Variants in ZC3H6 observed in about 807,000 individuals in gnomAD.
ZC3H6 encodes the protein zinc finger CCCH-type containing 6.
Under a neutral mutation model 107.7 loss-of-function variants are expected in ZC3H6, and 40 were observed. The observed-to-expected ratio is 0.37, with a 90% CI of 0.29 to 0.48. ZC3H6 has a LOEUF of 0.48. Among genes scored for constraint, ZC3H6 ranks in the 20% least tolerant of loss-of-function variants. The pLI is 0.98. For synonymous variants in ZC3H6, 493 were observed against 487.9 expected (o/e 1.01, Z -0.14); for missense variants, 1,267 against 1,410.4 (o/e 0.90, Z 1.63).
At chr2:112,306,174 CTT>C (rs35102517) in intron 3 of ZC3H6, among the ~76,000 whole-genome samples, 10 of 136,856 alleles carry the variant, frequency 7.3e-5, no homozygotes, top group Non-Finnish European at 9.3e-5. Context: ...GTCTGTATTT[CTT>C]TTTTTTTTTT....
chr2:112,285,514 G>T (rs1480400736), intron 1 of ZC3H6, among the ~76,000 whole-genome samples: 1 of 151,800 alleles, frequency 6.6e-6, no homozygotes. Context: ...ACAACGCCAC[G>T]CCCGGCTAAT....
At chr2:112,285,067 G>A (rs558023825) in intron 1 of ZC3H6, among the ~76,000 whole-genome samples, 4 of 151,970 alleles carry the variant, frequency 2.6e-5, no homozygotes, top group East Asian at 1.9e-4. Flanking sequence ...TGTATTTTTC[G>A]TTAAAGTTTT....
intron 6 of ZC3H6, among the ~76,000 whole-genome samples, chr2:112,316,913 T>C (rs1241052867): frequency 2.6e-5 from 4 of 152,212 alleles, no homozygotes; most frequent in African/African-American, 9.7e-5. Flanking sequence ...ATTTTATTCA[T>C]GGCACCAAGA....
intron 2 of ZC3H6, among the ~76,000 whole-genome samples, chr2:112,301,069 T>C (rs1366555509): frequency 1.3e-5 from 2 of 152,158 alleles, no homozygotes; most frequent in African/African-American, 2.4e-5. Context: ...TCAGTACAAA[T>C]GAAGCAGAGG....
chr2:112,312,201 A>G (rs1222979749), intron 5 of ZC3H6: 6 of 333,126 alleles, frequency 1.8e-5, no homozygotes, highest in Non-Finnish European at 3.3e-5. Flanking sequence ...GCAAAAATAT[A>G]TCCTCTATTA....
rs1461666933 is a variant in ZC3H6 at position 112,333,746 on chromosome 2, T to C, written c.*1258T>C. On this transcript the variant is annotated 3_prime_UTR_variant, in exon 12 of 12. Coordinates refer to ENST00000409871, the MANE Select transcript of ZC3H6 (RefSeq NM_198581.3). ...TGAACTGCAGGTGTAGGACAGTGTTTGCTGGTAACAACTCCAATGTGTATT... is the reference window on the plus strand; with the variant it reads ...TGAACTGCAGGTGTAGGACAGTGTTCGCTGGTAACAACTCCAATGTGTATT... 1 of 152,136 alleles carries C rather than the reference T, an allele frequency of 6.6e-6. No individual in the cohort carries two copies. The highest frequency in any genetic ancestry group is 1.5e-5 in the Non-Finnish European group (1 of 67,980). 9.4% of individuals were successfully genotyped at this position (152,136 alleles called of 1,614,324 possible).
chr2:112,295,132 A>G (rs1436807297), intron 1 of ZC3H6, among the ~76,000 whole-genome samples: 2 of 152,148 alleles, frequency 1.3e-5, no homozygotes, highest in East Asian at 1.9e-4. Context: ...TTGTATCTGT[A>G]TAGATTTGCC....
Position 112,331,176 on chromosome 2 carries a change from A to G in ZC3H6, c.2258A>G (p.Asn753Ser). 1 of 1,613,716 alleles carries G rather than the reference A, an allele frequency of 6.2e-7. No homozygotes were observed. The highest frequency in any genetic ancestry group is 8.5e-7 in the Non-Finnish European group (1 of 1,179,794). The stretch of plus-strand genomic sequence containing the variant: ...CTTGCTAAAGAGAAAAGTAAAGGAA[A>G]CCAAGTGGTTGACCCTAGGCTTAGG... ...PRLAKEKSKG[N>S]QVVDPRLRTI... The change falls in exon 12 of 12, where the codon AAC becomes AGC. Residue 753 changes from asparagine to serine, a missense_variant. Around this residue, in one of 3 missense-constraint regions of ZC3H6, gnomAD observed 925 missense variants for 1,025.7 expected, o/e 0.90. Transcript: ENST00000409871.
chr2:112,330,034 A>C (rs763542494), intron 11 of ZC3H6, among the ~76,000 whole-genome samples: 11 of 151,554 alleles, frequency 7.3e-5, no homozygotes, highest in Non-Finnish European at 1.5e-4. Flanking sequence ...CTCATAAAGT[A>C]TGTAAGTTTT....
chr2:112,294,532 C>T (rs939251139), intron 1 of ZC3H6, among the ~76,000 whole-genome samples: 3 of 152,086 alleles, frequency 2.0e-5, no homozygotes, highest in Non-Finnish European at 4.4e-5. Context: ...TGTCATTGTA[C>T]TATCATCTAT....
Position 112,317,259 on chromosome 2 carries a change from G to T in ZC3H6, c.903G>T (p.Glu301Asp). The change falls in exon 7 of 12, where the codon GAG (glutamate) becomes GAT (aspartate). Residue 301 changes from glutamate (E) to aspartate (D), a missense_variant. Around this residue, in one of 3 missense-constraint regions of ZC3H6, gnomAD observed 337 missense variants for 361.2 expected, o/e 0.93. Coordinates refer to ENST00000409871, the MANE Select transcript of ZC3H6 (RefSeq NM_198581.3). ...AATTTGATCATGATGCAGAGTTGGA[G>T]AAAAGAAAAGAGATCTGCAAATTTT... ...QCKFDHDAEL[E>D]KRKEICKFYL... 1 of 1,577,448 alleles carries T rather than the reference G, an allele frequency of 6.3e-7. No homozygotes were observed. The highest frequency in any genetic ancestry group is 8.6e-7 in the Non-Finnish European group (1 of 1,165,600).
At chr2:112,294,193 C>T (rs1048138845) in intron 1 of ZC3H6, among the ~76,000 whole-genome samples, 2 of 151,984 alleles carry the variant, frequency 1.3e-5, no homozygotes, top group Non-Finnish European at 2.9e-5. Context: ...TATCGTTGGG[C>T]TTACGTAAGT....
intron 1 of ZC3H6, among the ~76,000 whole-genome samples, chr2:112,294,567 T>C (rs1297291303): frequency 6.6e-6 from 1 of 152,218 alleles, no homozygotes; most frequent in Non-Finnish European, 1.5e-5. Flanking sequence ...TAGTCTTTTA[T>C]AGAGGCTTTT....
In ZC3H6 at chr2:112,275,643, G is replaced by T; in HGVS notation, c.-352G>T. 2.5e-6 allele frequency: 1 copy of T among 402,448 alleles called. No individual in the cohort carries two copies. Among genetic ancestry groups the T allele is most frequent in the South Asian group, 1.0e-4 (1 of 9,660 alleles). The allele number at this position is 402,448 out of a possible 1,614,324, so 24.9% of individuals were successfully genotyped here. Reference sequence around the variant, plus strand: ...TTTCGGGTGCCGCCATGTTGGTGAGGAGAAATCACCGTTACGGCCACTGTC... The same window carrying T: ...TTTCGGGTGCCGCCATGTTGGTGAGTAGAAATCACCGTTACGGCCACTGTC... On this transcript the variant is annotated 5_prime_UTR_variant, in exon 1 of 12. Coordinates refer to ENST00000409871, the MANE Select transcript of ZC3H6 (RefSeq NM_198581.3).
intron 3 of ZC3H6, among the ~76,000 whole-genome samples, 180 bp from the exon 4 acceptor site, chr2:112,309,704 AT>A (rs1473534919): frequency 6.6e-6 from 1 of 152,200 alleles, no homozygotes; most frequent in Admixed American, 6.5e-5. Context: ...TCAGGGTAAC[AT>A]TTAGGCTTTT....
At chr2:112,309,861 T>C in intron 3 of ZC3H6, 24 bp from the exon 4 acceptor site, 1 of 1,546,730 alleles carries the variant, frequency 6.5e-7, no homozygotes, top group Non-Finnish European at 8.7e-7. Flanking sequence ...AAAATCCTGA[T>C]AATGATTGTC....
intron 1 of ZC3H6, among the ~76,000 whole-genome samples, chr2:112,293,743 A>G (rs977421492): frequency 6.6e-6 from 1 of 152,252 alleles, no homozygotes; most frequent in African/African-American, 2.4e-5. Context: ...AAAAGATCAG[A>G]ATAGGCATGG....
At position 112,291,127 on chromosome 2, in the gene ZC3H6, T is replaced by C. The variant is rs561907561; in HGVS notation, c.33-8722T>C. ...CTGACATCTAAAAATTAGTTAGGGG[T>C]TTCTGGCATACCCTGTGTAAGCTAA... On this transcript the variant is annotated intron_variant, in intron 1 of 11. Transcript: ENST00000409871. Among the ~76,000 whole-genome samples the C allele has an allele frequency of 6.6e-5, 10 of 152,368 alleles. No individual in the cohort carries two copies. The South Asian group carries it at 2.1e-3, about 32-fold the overall frequency.
chr2:112,299,511 G>T (rs1291131189), intron 1 of ZC3H6, among the ~76,000 whole-genome samples: 1 of 152,122 alleles, frequency 6.6e-6, no homozygotes, highest in African/African-American at 2.4e-5. Flanking sequence ...TTAGTAGATG[G>T]TAACTATTGG....
Sources: gnomAD v4.1 joint callset for allele counts (sites outside exome capture counted in the v4.1 genomes callset) on GRCh38, gnomAD v4.1.1 for gene constraint, gnomAD v4.1.1 regional missense constraint, MANE v1.5 for transcripts, NCBI Gene and HGNC (gene_info 2026-07-23, HGNC 2026-07-21) for gene names.